Variants in PDE11A observed in about 807,000 individuals in gnomAD.
The protein encoded by PDE11A is phosphodiesterase 11A.
A neutral mutation model predicts 100.5 loss-of-function variants in PDE11A; 100 were observed. The observed-to-expected ratio is 1.00, with a 90% confidence interval of 0.85 to 1.18. PDE11A has a LOEUF of 1.18. PDE11A is among the 50% of genes most tolerant of loss of function. The probability of loss-of-function intolerance (pLI) is 0.00; values close to 1 mark genes in which losing one functional copy is unlikely to be tolerated. For missense variants in PDE11A, 1,141 were observed against 1,152.6 expected (o/e 0.99, Z 0.15); for synonymous variants, 381 against 420.8 (o/e 0.91, Z 1.16).
chr2:178,027,614 C>T (rs1040751476), intron 1 of PDE11A, among the ~76,000 whole-genome samples: 17 of 152,062 alleles, frequency 1.1e-4, no homozygotes, highest in African/African-American at 3.6e-4. Flanking sequence ...CAAATGGCCC[C>T]GGCTGTTTTT....
intron 2 of PDE11A, among the ~76,000 whole-genome samples, chr2:177,967,372 A>G (rs926547323): frequency 3.5e-4 from 53 of 151,334 alleles, no homozygotes; most frequent in African/African-American, 1.2e-3. Flanking sequence ...AATTTTTTAT[A>G]GTTTTAGTAG....
At chr2:177,880,715 C>A (rs1016486478) in intron 4 of PDE11A, among the ~76,000 whole-genome samples, 2 of 152,102 alleles carry the variant, frequency 1.3e-5, no homozygotes, top group African/African-American at 4.8e-5. Context: ...TATCATAATT[C>A]TTAGGTTCCT....
In PDE11A at chr2:178,071,646, T is replaced by G. The variant is rs1435573; in HGVS notation, c.792A>C (p.Thr264=). The change falls in exon 1 of 20, where the codon ACA becomes ACC. Residue 264 remains threonine (T), a synonymous_variant. Coordinates refer to ENST00000286063, the MANE Select transcript of PDE11A (RefSeq NM_016953.4). ...CTGTGCTGCTGCAAGGCAGCAGAGG[T>G]GTTCCTGCATGCACATCAAAGAATT... ...VSKFFDVHAG[T]PLLPCSSTEN... 1,388,046 of 1,612,508 alleles carry G rather than the reference T, an allele frequency of 0.86. 598,588 individuals carry two copies. Among genetic ancestry groups the G allele is most frequent in the East Asian group, 1 (44,835 of 44,854 alleles).
chr2:177,782,623 T>C (rs955236680), intron 9 of PDE11A, among the ~76,000 whole-genome samples: 4 of 152,348 alleles, frequency 2.6e-5, no homozygotes, highest in South Asian at 2.1e-4. Flanking sequence ...CTGTATCTGT[T>C]ATATAATCAT....
intron 10 of PDE11A, among the ~76,000 whole-genome samples, chr2:177,731,932 C>A (rs2081697101): frequency 1.3e-5 from 2 of 151,818 alleles, no homozygotes; most frequent in African/African-American, 4.8e-5. Context: ...AGAATTTATG[C>A]ACTAAAAAAA....
At chr2:177,736,647 T>C (rs1400969415) in intron 10 of PDE11A, among the ~76,000 whole-genome samples, 1 of 152,086 alleles carries the variant, frequency 6.6e-6, no homozygotes, top group Non-Finnish European at 1.5e-5. Flanking sequence ...TGCATTTACC[T>C]AGAAAGTGGA....
chr2:177,878,257 A>G (rs953235795), intron 4 of PDE11A, among the ~76,000 whole-genome samples: 6 of 152,192 alleles, frequency 3.9e-5, no homozygotes, highest in Admixed American at 1.3e-4. Flanking sequence ...GGTCACAACA[A>G]TATCTTCTAT....
intron 19 of PDE11A, among the ~76,000 whole-genome samples, chr2:177,651,849 C>T (rs1056512660): frequency 3.3e-5 from 5 of 152,076 alleles, no homozygotes; most frequent in African/African-American, 9.7e-5. Context: ...GGTTCAGATG[C>T]TGAAACTCCC....
intron 1 of PDE11A, among the ~76,000 whole-genome samples, chr2:178,044,414 CTTTATATAT>C (rs2086722190): frequency 1.4e-5 from 2 of 147,640 alleles, no homozygotes; most frequent in African/African-American, 2.5e-5. Flanking sequence ...TATATATAAA[CTTTATATAT>C]ATGTTTATAT....
intron 9 of PDE11A, among the ~76,000 whole-genome samples, chr2:177,803,886 C>G (rs1388887497): frequency 6.6e-6 from 1 of 151,792 alleles, no homozygotes; most frequent in Non-Finnish European, 1.5e-5. Context: ...CCTCTAAGAA[C>G]TGGAACAAGA....
At chr2:178,062,100 T>C (rs113033300) in intron 1 of PDE11A, among the ~76,000 whole-genome samples, 1 of 152,204 alleles carries the variant, frequency 6.6e-6, no homozygotes, top group South Asian at 2.1e-4. Flanking sequence ...ATTTTAAAAA[T>C]GAATGGCAAA....
chr2:177,993,547 C>T (rs577795709), intron 2 of PDE11A, among the ~76,000 whole-genome samples: 1 of 152,114 alleles, frequency 6.6e-6, no homozygotes, highest in African/African-American at 2.4e-5. Flanking sequence ...CAATGTGCAA[C>T]CTGATTATCT....
At chr2:178,062,148 G>A (rs914037333) in intron 1 of PDE11A, among the ~76,000 whole-genome samples, 7 of 152,052 alleles carry the variant, frequency 4.6e-5, no homozygotes, top group Non-Finnish European at 8.8e-5. Flanking sequence ...CCAGCTGTTC[G>A]TCTCCCTGCT....
intron 14 of PDE11A, among the ~76,000 whole-genome samples, chr2:177,700,898 T>C (rs2081187410): frequency 6.6e-6 from 1 of 152,176 alleles, no homozygotes; most frequent in Admixed American, 6.6e-5. Flanking sequence ...AAAAGCCTCC[T>C]AACCAATAAT....
At chr2:177,862,562 A>G (rs1012851050) in intron 5 of PDE11A, among the ~76,000 whole-genome samples, 1 of 151,882 alleles carries the variant, frequency 6.6e-6, no homozygotes, top group African/African-American at 2.4e-5. Flanking sequence ...CTAACTGAAG[A>G]AGACATCCAG....
At chr2:177,758,263 C>T (rs921072592) in intron 10 of PDE11A, among the ~76,000 whole-genome samples, 21 of 142,890 alleles carry the variant, frequency 1.5e-4, no homozygotes, top group African/African-American at 5.2e-4. Flanking sequence ...CGCCATTGCA[C>T]TCCAGCCTGG....
At chr2:178,093,871 A>C (rs1415403362) in intron 2 of PDE11A, among the ~76,000 whole-genome samples, 1 of 152,226 alleles carries the variant, frequency 6.6e-6, no homozygotes, top group East Asian at 1.9e-4. Context: ...TCTAACTTAT[A>C]AGGTACAAGA....
intron 19 of PDE11A, among the ~76,000 whole-genome samples, chr2:177,643,366 G>A (rs1369700710): frequency 6.6e-6 from 1 of 152,192 alleles, no homozygotes; most frequent in African/African-American, 2.4e-5. Context: ...AACTTGTTGG[G>A]AAGTGGAGCA....
In PDE11A at chr2:177,747,866, G is replaced by A. The variant is rs988041290; in HGVS notation, c.1789-19694C>T. Among the ~76,000 whole-genome samples the A allele has an allele frequency of 3.3e-5, 5 of 152,000 alleles. No individual in the cohort carries two copies. The East Asian group carries it at 7.8e-4, about 24-fold the overall frequency. On this transcript the variant is annotated intron_variant, in intron 10 of 19. Coordinates refer to ENST00000286063, the MANE Select transcript of PDE11A (RefSeq NM_016953.4). ...GAACACCTGAAAATGATAGTAGGCC[G>A]ATCCCTGCTTGTCTAATGCCAGAGA...
Sources: gnomAD v4.1 joint callset for allele counts (sites outside exome capture counted in the v4.1 genomes callset) on GRCh38, gnomAD v4.1.1 for gene constraint, MANE v1.5 for transcripts, NCBI Gene and HGNC (gene_info 2026-07-23, HGNC 2026-07-21) for gene names.